Variants in CEP95 observed in about 807,000 individuals in gnomAD.
The protein encoded by CEP95 is centrosomal protein 95.
In CEP95, 98 loss-of-function variants were observed where a neutral mutation model predicts 111.2. The observed-to-expected ratio is 0.88, with a 90% confidence interval of 0.75 to 1.04. CEP95 has a LOEUF of 1.04. CEP95 is among the 50% of genes least tolerant of loss of function. The probability of loss-of-function intolerance (pLI) is 0.00; values close to 1 mark genes in which losing one functional copy is unlikely to be tolerated. For missense variants in CEP95, 1,027 were observed against 977.2 expected, an observed-to-expected ratio of 1.05 and a Z score of -0.68; for synonymous variants, 323 against 327.1, an observed-to-expected ratio of 0.99 and a Z score of 0.14.
chr17:64,537,316 T>G (rs1214722694), intron 19 of CEP95: 2 of 1,405,886 alleles, frequency 1.4e-6, no homozygotes, highest in African/African-American at 2.9e-5. Context: ...GGAACATATC[T>G]CCATCATTAA....
At chr17:64,514,656 T>A in intron 4 of CEP95, 1 of 390,264 alleles carries the variant, frequency 2.6e-6, no homozygotes, top group Non-Finnish European at 4.5e-6. Flanking sequence ...TAAAATTTCT[T>A]TCTCCAAAAT....
rs782067637 is a variant in CEP95, at chr17:64,525,848, G to A, written c.988G>A (p.Gly330Arg). The part of the protein sequence containing the change: ...KWEVYPAQVQ[G>R]PRTRKPPKGK... Reference sequence around the variant, plus strand: ...GGAAGTATATCCAGCTCAGGTCCAAGGGCCTAGGACAAGGAAGCCTCCCAA... The same window carrying A: ...GGAAGTATATCCAGCTCAGGTCCAAAGGCCTAGGACAAGGAAGCCTCCCAA... The change falls in exon 9 of 20, where the codon GGG becomes AGG. Residue 330 changes from glycine to arginine, a missense_variant. Gly to Arg is a moderately radical substitution (Grantham distance 125). Coordinates refer to ENST00000556440, the MANE Select transcript of CEP95 (RefSeq NM_138363.3). 2 of 1,592,726 alleles carry A rather than the reference G, an allele frequency of 1.3e-6. No individual in the cohort carries two copies. The highest frequency in any genetic ancestry group is 1.7e-6 in the Non-Finnish European group (2 of 1,174,092).
chr17:64,519,465 A>G (rs1454291001), intron 6 of CEP95, 29 bp downstream of exon 6: 1 of 1,455,794 alleles, frequency 6.9e-7, no homozygotes, highest in Non-Finnish European at 9.6e-7. Flanking sequence ...AGTATCAGTT[A>G]TTATTCAACA....
chr17:64,537,607 T>G lies in CEP95; in HGVS notation c.2294T>G (p.Leu765Ter). Residue 765 changes from leucine (L) to a stop codon, truncating the protein, a stop_gained, in exon 20 of 20, where the codon TTA becomes TGA. Coordinates refer to ENST00000556440, the MANE Select transcript of CEP95 (RefSeq NM_138363.3). LOFTEE classifies it high-confidence loss of function. ...KAREKSQAQTLHKVKRELRSK... is the reference protein window; with the variant it reads ...KAREKSQAQT ...TGACATGCCTTCTTTTTTCAGACAT[T>G]ACATAAGGTGAAGAGGGAGCTGAGA... The G allele has an allele frequency of 6.3e-7, 1 of 1,595,518 alleles. No homozygotes were observed. Among genetic ancestry groups the G allele is most frequent in the Non-Finnish European group, 8.6e-7 (1 of 1,168,402 alleles).
rs1429517580 is a variant in CEP95, at chr17:64,507,172, G to A, written c.19+56G>A. ...TGGACTGAAACCGTCCACCTCCAGG[G>A]AGGCCTCGGGCTAGCCCGGACTGGG... On this transcript the variant is annotated intron_variant, in intron 1 of 19. Transcript: ENST00000556440. 3.9e-6 allele frequency: 6 copies of A among 1,550,898 alleles called. No homozygotes were observed. The East Asian group carries it at 9.8e-5, about 25-fold the overall frequency.
chr17:64,508,732 A>G lies in CEP95; in HGVS notation c.148+12A>G, dbSNP rs2038721678. On this transcript the variant is annotated intron_variant, in intron 2 of 19. Coordinates refer to ENST00000556440, the MANE Select transcript of CEP95 (RefSeq NM_138363.3). ...AGAAAAGGTACCAGGTAAGAATACT[A>G]AAAGCAGGAGTAATTTTGCCTATAT... The G allele has an allele frequency of 7.4e-7, 1 of 1,354,190 alleles. No homozygotes were observed. Among genetic ancestry groups the G allele is most frequent in the South Asian group, 2.3e-5 (1 of 44,110 alleles). The allele number at this position is 1,354,190 out of a possible 1,614,324, so 83.9% of individuals were successfully genotyped here. A position where few individuals can be genotyped will look rare whatever the true frequency, so the allele number is the denominator to read the frequency against.
intron 19 of CEP95, 63 bp from the exon 20 acceptor site, chr17:64,537,540 A>T (rs1968740029): frequency 6.7e-7 from 1 of 1,486,060 alleles, no homozygotes; most frequent in Non-Finnish European, 9.0e-7. Context: ...ATGGAGAGGG[A>T]ACAATAGATG....
rs1312372772 is a variant in CEP95 at position 64,507,008 on chromosome 17, C to G, written c.-90C>G. On this transcript the variant is annotated 5_prime_UTR_variant, in exon 1 of 20. Transcript: ENST00000556440. ...CGCGCTTTGGTTCGTGCGTCCGCGC[C>G]CCAGTGTCGGGTCTGCGTGGATCGG... The G allele has an allele frequency of 2.0e-6, 3 of 1,467,210 alleles. No homozygotes were observed. Among genetic ancestry groups the G allele is most frequent in the Non-Finnish European group, 9.3e-7 (1 of 1,071,020 alleles). 90.9% of individuals were successfully genotyped at this position (1,467,210 alleles called of 1,614,324 possible). A position where few individuals can be genotyped will look rare whatever the true frequency, so the allele number is the denominator to read the frequency against.
chr17:64,533,755 C>G (rs1968450347), intron 16 of CEP95, among the ~76,000 whole-genome samples: 1 of 152,064 alleles, frequency 6.6e-6, no homozygotes, highest in South Asian at 2.1e-4. Flanking sequence ...AAGTAACTTG[C>G]CCTGGGTCTC....
intron 14 of CEP95, chr17:64,532,311 G>A (rs1968336009): frequency 2.7e-6 from 3 of 1,124,216 alleles, no homozygotes; most frequent in Non-Finnish European, 3.3e-6. Context: ...CTGCCTTTTT[G>A]TCTATTTCTG....
rs1270329274 is a variant in CEP95, at chr17:64,507,179, C to T, written c.19+63C>T. On this transcript the variant is annotated intron_variant, in intron 1 of 19. Coordinates refer to ENST00000556440, the MANE Select transcript of CEP95 (RefSeq NM_138363.3). Reference sequence around the variant, plus strand: ...AAACCGTCCACCTCCAGGGAGGCCTCGGGCTAGCCCGGACTGGGTCTGGGC... The same window carrying T: ...AAACCGTCCACCTCCAGGGAGGCCTTGGGCTAGCCCGGACTGGGTCTGGGC... 3.9e-6 allele frequency: 6 copies of T among 1,550,214 alleles called. No homozygotes were observed. The African/African-American group carries it at 5.5e-5, about 14-fold the overall frequency.
chr17:64,516,960 T>C (rs1555676463), intron 5 of CEP95, 132 bp downstream of exon 5: 1 of 564,634 alleles, frequency 1.8e-6, no homozygotes, highest in Non-Finnish European at 3.1e-6. Flanking sequence ...TCTCATATTT[T>C]AAACTTTCCT....
At chr17:64,512,546 A>C (rs2038951766) in intron 3 of CEP95, among the ~76,000 whole-genome samples, 1 of 152,232 alleles carries the variant, frequency 6.6e-6, no homozygotes, top group African/African-American at 2.4e-5. Context: ...AAGCTTATGA[A>C]TAGAGGGAAT....
Position 64,516,739 on chromosome 17 carries a change from T to C in CEP95, c.384T>C (p.Tyr128=). ...TSHEKSETEQ[Y]FKESDRGERL... is the part of the protein sequence containing the mutation. Reference sequence around the variant, plus strand: ...TCTGAACAGGTGAAACTGAACAGTATTTTAAAGAATCTGATCGAGGAGAAC... The same window carrying C: ...TCTGAACAGGTGAAACTGAACAGTACTTTAAAGAATCTGATCGAGGAGAAC... Residue 128 remains tyrosine, a synonymous_variant, in exon 5 of 20, where the codon TAT becomes TAC. Coordinates refer to ENST00000556440, the MANE Select transcript of CEP95 (RefSeq NM_138363.3). 3 of 1,608,456 alleles carry C rather than the reference T, an allele frequency of 1.9e-6. No individual in the cohort carries two copies. Among genetic ancestry groups the C allele is most frequent in the Non-Finnish European group, 2.6e-6 (3 of 1,174,982 alleles).
intron 6 of CEP95, among the ~76,000 whole-genome samples, chr17:64,521,040 C>G (rs968400469): frequency 6.6e-6 from 1 of 152,002 alleles, no homozygotes; most frequent in Non-Finnish European, 1.5e-5. Context: ...GGTAGGAGTT[C>G]GAGACCAGCC....
intron 5 of CEP95, among the ~76,000 whole-genome samples, chr17:64,517,599 A>AGT (rs1455937756): frequency 6.6e-5 from 10 of 151,882 alleles, no homozygotes; most frequent in African/African-American, 2.4e-4. Context: ...GGTGGAGTAC[A>AGT]GTGGCGTGAT....
intron 3 of CEP95, among the ~76,000 whole-genome samples, chr17:64,513,451 C>A (rs2038989884): frequency 6.6e-6 from 1 of 152,142 alleles, no homozygotes; most frequent in African/African-American, 2.4e-5. Context: ...CATTTCTATT[C>A]AACATTTCAA....
chr17:64,536,679 A>C lies in CEP95; in HGVS notation c.2148A>C (p.Glu716Asp). The C allele has an allele frequency of 6.2e-7, 1 of 1,613,574 alleles. No homozygotes were observed. The highest frequency in any genetic ancestry group is 8.5e-7 in the Non-Finnish European group (1 of 1,179,736). Reference sequence around the variant, plus strand: ...GAGACCTAAGAAACTATGCCAAAGAAAAGCGAGATGAACAAAGGAGACGCC... The same window carrying C: ...GAGACCTAAGAAACTATGCCAAAGACAAGCGAGATGAACAAAGGAGACGCC... Reference protein sequence around the residue: ...RLRDLRNYAKEKRDEQRRRHQ... With the variant: ...RLRDLRNYAKDKRDEQRRRHQ... The change falls in exon 18 of 20, where the codon GAA (glutamate) becomes GAC (aspartate). Residue 716 changes from glutamate to aspartate, a missense_variant. Coordinates refer to ENST00000556440, the MANE Select transcript of CEP95 (RefSeq NM_138363.3).
intron 19 of CEP95, 122 bp from the exon 20 acceptor site, chr17:64,537,481 G>A: frequency 7.0e-7 from 1 of 1,421,918 alleles, no homozygotes; most frequent in Non-Finnish European, 9.2e-7. Flanking sequence ...TGTAAGAGCT[G>A]CTGTTGCTAG....
Sources: allele counts gnomAD v4.1 joint callset (sites outside exome capture counted in the v4.1 genomes callset), GRCh38; gene constraint gnomAD v4.1.1; transcripts MANE v1.5; gene names NCBI Gene and HGNC (gene_info 2026-07-23, HGNC 2026-07-21).